AGRN: variants seen among roughly 807,000 people sequenced by gnomAD.
AGRN encodes agrin.
A neutral mutation model predicts 211.0 loss-of-function variants in AGRN; 106 were observed. The observed-to-expected ratio is 0.50, with a 90% confidence interval of 0.43 to 0.59. The LOEUF (loss-of-function observed/expected upper bound fraction) is 0.59. Among genes scored for constraint, AGRN ranks in the 20% least tolerant of loss-of-function variants. The pLI, the probability that AGRN is intolerant of heterozygous loss-of-function variation, is 0.00. For synonymous variants in AGRN, 1,525 were observed against 1,332.5 expected, an observed-to-expected ratio of 1.14 and a Z score of -3.15; for missense variants, 3,040 against 2,982.6, an observed-to-expected ratio of 1.02 and a Z score of -0.45.
rs199593375 is a variant in AGRN, at chr1:1,045,996, C to A, written c.2713C>A (p.Arg905Ser). 6.2e-7 allele frequency: 1 copy of A among 1,613,936 alleles called. No individual in the cohort carries two copies. The highest frequency in any genetic ancestry group is 2.2e-5 in the East Asian group (1 of 44,880). ...TGCGCCTGCGACCTGTGCGGAGATG[C>A]GCTGTGAGTTCGGTGCGCGGTGCGT... is the stretch of plus-strand genomic sequence containing the variant. ...ASAPATCAEM[R>S]CEFGARCVEE... The change falls in exon 16 of 36, where the codon CGC (arginine) becomes AGC (serine). Residue 905 changes from arginine (R) to serine (S), a missense_variant. Coordinates refer to ENST00000379370, the MANE Select transcript of AGRN (RefSeq NM_198576.4).
At chr1:1,034,633 C>T (rs972386331) in intron 2 of AGRN, 1 of 987,664 alleles carries the variant, frequency 1.0e-6, no homozygotes, top group East Asian at 1.1e-4. Context: ...TCATGGTGCC[C>T]TGCAACGCCT....
In AGRN at chr1:1,041,465, C is replaced by T. The variant is rs1178185141; in HGVS notation, c.953-13C>T. ...GCGGCGACAGCGTCCTGACTCCTGCCCTCGACCCCCAGACCCCTGTCAGGG... is the reference window on the plus strand; with the variant it reads ...GCGGCGACAGCGTCCTGACTCCTGCTCTCGACCCCCAGACCCCTGTCAGGG... On this transcript the variant is annotated splice_polypyrimidine_tract_variant and intron_variant, in intron 5 of 35. Coordinates refer to ENST00000379370, the MANE Select transcript of AGRN (RefSeq NM_198576.4). 1.9e-6 allele frequency: 3 copies of T among 1,583,580 alleles called. No homozygotes were observed. Among genetic ancestry groups the T allele is most frequent in the Admixed American group, 1.7e-5 (1 of 57,716 alleles).
At position 1,037,968 on chromosome 1, in the gene AGRN, G is replaced by A. The variant is rs28692550; in HGVS notation, c.511+2644G>A. Among the ~76,000 whole-genome samples the A allele has an allele frequency of 3.1e-3, 469 of 152,342 alleles. 2 individuals carry two copies. Among genetic ancestry groups the A allele is most frequent in the African/African-American group, 0.011 (458 of 41,572 alleles). ...CCTAGGCCTGTGGAGACTCAGCACA[G>A]TGGTGGGAGCGGCCCCTCACCTAAG... On this transcript the variant is annotated intron_variant, in intron 3 of 35. Coordinates refer to ENST00000379370, the MANE Select transcript of AGRN (RefSeq NM_198576.4).
At chr1:1,038,509 T>C (rs2100620335) in intron 3 of AGRN, among the ~76,000 whole-genome samples, 1 of 152,338 alleles carries the variant, frequency 6.6e-6, no homozygotes, top group African/African-American at 2.4e-5. Flanking sequence ...TCTTGGGACG[T>C]AGCAGGACCT....
At position 1,044,443 on chromosome 1, in the gene AGRN, A is replaced by G. The variant is rs756687355; in HGVS notation, c.2254+4A>G. 83 of 1,603,734 alleles carry G rather than the reference A, an allele frequency of 5.2e-5. No individual in the cohort carries two copies. In the East Asian group the frequency reaches 1.9e-3, roughly 36 times the overall value. On this transcript the variant is annotated splice_donor_region_variant and intron_variant, in intron 12 of 35. Transcript: ENST00000379370. ...GCGGCCCAGGGAGCCTGCCGAGGTG[A>G]GCCGGCTGCACGTGGGGTCTCAGGC... is the stretch of plus-strand genomic sequence containing the variant.
intron 2 of AGRN, 105 bp from the exon 3 acceptor site, chr1:1,035,172 G>A (rs1459248134): frequency 8.4e-5 from 35 of 418,694 alleles, no homozygotes; most frequent in South Asian, 5.7e-5. Context: ...CTAGCGGTGG[G>A]GGGGGGGGGG....
intron 2 of AGRN, chr1:1,034,536 C>T (rs1644753893): frequency 1.0e-6 from 1 of 986,250 alleles, no homozygotes; most frequent in African/African-American, 1.7e-5. Flanking sequence ...GAGTGGGGCG[C>T]AGAGCCGGAG....
At position 1,051,619 on chromosome 1, in the gene AGRN, G is replaced by A. The variant is rs1348481671; in HGVS notation, c.5537G>A (p.Gly1846Glu). 1 of 1,610,210 alleles carries A rather than the reference G, an allele frequency of 6.2e-7. No homozygotes were observed. The highest frequency in any genetic ancestry group is 2.2e-5 in the East Asian group (1 of 44,814). Residue 1846 changes from glycine (G) to glutamate (E), a missense_variant, in exon 32 of 36, where the codon GGA (glycine) becomes GAA (glutamate). This residue lies in a region of AGRN where 1,537 missense variants were observed against 1,505.0 expected (regional missense o/e 1.02). Transcript: ENST00000379370. ...GCCTATGTGTGCCTGTGTCCCGGGG[G>A]ATTCTCAGGACCGCACTGCGAGAAG... ...EAAYVCLCPG[G>E]FSGPHCEKGL... is the part of the protein sequence containing the mutation.
chr1:1,052,989 GTGTC>G (rs1033787229), intron 33 of AGRN: 4 of 176,056 alleles, frequency 2.3e-5, no homozygotes, highest in Admixed American at 5.7e-5. Flanking sequence ...GCACTCAGGT[GTGTC>G]TGTGTGTGTT....
chr1:1,026,657 C>T (rs1570144224), intron 2 of AGRN, among the ~76,000 whole-genome samples: 1 of 139,766 alleles, frequency 7.2e-6, no homozygotes, highest in African/African-American at 3.2e-5. Context: ...GGTTCTGGCA[C>T]CCCCTCCCCA....
chr1:1,049,548 T>C lies in AGRN; in HGVS notation c.4515-18T>C, dbSNP rs1350397781. ...CTGTGGCCCCTGAGCCCTGACCCGG[T>C]GTCCCTCCTGGTGGCAGGGCGCTGG... On this transcript the variant is annotated intron_variant, in intron 25 of 35. Coordinates refer to ENST00000379370, the MANE Select transcript of AGRN (RefSeq NM_198576.4). 2.5e-6 allele frequency: 4 copies of C among 1,589,660 alleles called. No individual in the cohort carries two copies. The African/African-American group carries it at 5.4e-5, about 21-fold the overall frequency.
rs201734099 is a variant in AGRN at position 1,022,477 on chromosome 1, G to A, written c.463+15G>A. On this transcript the variant is annotated intron_variant, in intron 2 of 35. Transcript: ENST00000379370. ...CTGTGTGGAAGGTGCGTGGTGGGGG[G>A]CTCGTGTGGGGGCCTGTGGGGGTCA... is the stretch of plus-strand genomic sequence containing the variant. The A allele has an allele frequency of 7.0e-5, 112 of 1,598,760 alleles. No individual in the cohort carries two copies. The East Asian group carries it at 2.5e-3, about 36-fold the overall frequency.
At position 1,047,182 on chromosome 1, in the gene AGRN, C is replaced by G; in HGVS notation, c.3389-145C>G. The G allele has an allele frequency of 2.1e-6, 3 of 1,407,260 alleles. No individual in the cohort carries two copies. The Admixed American group carries it at 7.7e-5, about 36-fold the overall frequency. The allele number at this position is 1,407,260 out of a possible 1,614,324, so 87.2% of individuals were successfully genotyped here. ...CTCCTGGTAACCGACACCAGCCCCA[C>G]CCTGGGGTCCCCACTAACCTCATGA... On this transcript the variant is annotated intron_variant, in intron 19 of 35. Coordinates refer to ENST00000379370, the MANE Select transcript of AGRN (RefSeq NM_198576.4).
chr1:1,048,372 ATG>A lies in AGRN; in HGVS notation c.4105+9_4105+10del. On this transcript the variant is annotated splice_region_variant and intron_variant, in intron 23 of 35. Transcript: ENST00000379370. This position sits in a 1 kb window ranked among gnomAD's most constrained non-coding sequence, Gnocchi z 5.9. ...GGCGCCGTCTGTGAGAAGGGTAAGGATGTCCACTGCAGAGGAGGGCGGGGAGG... is the reference window on the plus strand; with the variant it reads ...GGCGCCGTCTGTGAGAAGGGTAAGGATCCACTGCAGAGGAGGGCGGGGAGG... 3.6e-6 allele frequency: 5 copies of A among 1,407,000 alleles called. No individual in the cohort carries two copies. Among genetic ancestry groups the A allele is most frequent in the Non-Finnish European group, 4.7e-6 (5 of 1,056,778 alleles). 87.2% of individuals were successfully genotyped at this position (1,407,000 alleles called of 1,614,324 possible).
At chr1:1,052,947 TGTG>T (rs746105747) in intron 33 of AGRN, 12 of 166,122 alleles carry the variant, frequency 7.2e-5, no homozygotes, top group Non-Finnish European at 1.0e-4. Flanking sequence ...GATATGTAGA[TGTG>T]TGTGTGTATG....
chr1:1,035,633 G>A (rs902892383), intron 3 of AGRN, among the ~76,000 whole-genome samples: 1 of 152,258 alleles, frequency 6.6e-6, no homozygotes, highest in Non-Finnish European at 1.5e-5. Flanking sequence ...CTGTAGGGCA[G>A]GGCCAGAGTC....
chr1:1,022,253 T>C lies in AGRN; in HGVS notation c.254T>C (p.Leu85Pro), dbSNP rs545395744. Residue 85 changes from leucine to proline, a missense_variant, in exon 2 of 36, where the codon CTG (leucine) becomes CCG (proline). By Grantham distance (98) the Leu-to-Pro change is moderately conservative. Coordinates refer to ENST00000379370, the MANE Select transcript of AGRN (RefSeq NM_198576.4). ...KGKDLVARES[L>P]LDGGNKVVIS... Reference sequence around the variant, plus strand: ...AAAGACCTGGTGGCCCGGGAGAGCCTGCTGGACGGCGGCAACAAGGTGGTG... The same window carrying C: ...AAAGACCTGGTGGCCCGGGAGAGCCCGCTGGACGGCGGCAACAAGGTGGTG... 6.2e-7 allele frequency: 1 copy of C among 1,613,188 alleles called. No individual in the cohort carries two copies. Among genetic ancestry groups the C allele is most frequent in the African/African-American group, 1.3e-5 (1 of 75,046 alleles).
chr1:1,051,039 G>A (rs184022446), intron 30 of AGRN: 65 of 1,549,024 alleles, frequency 4.2e-5, no homozygotes, highest in Middle Eastern at 3.3e-4. Context: ...CAGAAATCCC[G>A]CAAGGTACTG....
rs1442892068 is a variant in AGRN at position 1,041,241 on chromosome 1, C to T, written c.796C>T (p.Leu266=). The change falls in exon 5 of 36, where the codon CTG becomes TTG. Residue 266 remains leucine (L), a synonymous_variant. Transcript: ENST00000379370. Reference sequence around the variant, plus strand: ...CACCTGTGCGCGCTCGGCCGACGGGCTGACGGCCTCGTGCCTGTGCCCCGC... The same window carrying T: ...CACCTGTGCGCGCTCGGCCGACGGGTTGACGGCCTCGTGCCTGTGCCCCGC... ...GSTCARSADG[L]TASCLCPATC... 1.0e-5 allele frequency: 15 copies of T among 1,490,446 alleles called. No individual in the cohort carries two copies. Among genetic ancestry groups the T allele is most frequent in the Non-Finnish European group, 1.3e-5 (15 of 1,126,464 alleles). 92.3% of individuals were successfully genotyped at this position (1,490,446 alleles called of 1,614,324 possible).
Sources: gnomAD v4.1 joint callset for allele counts (sites outside exome capture counted in the v4.1 genomes callset) on GRCh38, gnomAD v4.1.1 for gene constraint, gnomAD v4.1.1 regional missense constraint, Gnocchi (gnomAD v3.1) non-coding constraint, MANE v1.5 for transcripts, NCBI Gene and HGNC (gene_info 2026-07-23, HGNC 2026-07-21) for gene names.